The following SPG7 variants were observed in gnomAD, a reference collection of about 807,000 sequenced individuals.
SPG7 encodes the protein mitochondrial inner membrane m-AAA protease component paraplegin.
A neutral mutation model predicts 81.9 loss-of-function variants in SPG7; 103 were observed. The observed-to-expected ratio is 1.26, with a 90% confidence interval of 1.07 to 1.48. The LOEUF is 1.48. Ranked by LOEUF, SPG7 falls within the 40% of genes most tolerant of loss-of-function variation. The probability of loss-of-function intolerance (pLI) is 0.00; values close to 1 mark genes in which losing one functional copy is unlikely to be tolerated. For synonymous variants in SPG7, 534 were observed against 444.2 expected (o/e 1.20, Z -2.54); for missense variants, 1,241 against 1,087.3 (o/e 1.14, Z -1.99).
At chr16:89,513,108 C>G (rs2058044419) in intron 3 of SPG7, 71 bp downstream of exon 3, 1 of 1,539,798 alleles carries the variant, frequency 6.5e-7, no homozygotes, top group Non-Finnish European at 8.8e-7. Context: ...TTCCTTTTAG[C>G]AAGGTGAAAC....
Position 89,526,480 on chromosome 16 carries a change from G to T in SPG7, c.758+12G>T, listed in dbSNP as rs761205265. 6.2e-7 allele frequency: 1 copy of T among 1,614,104 alleles called. No individual in the cohort carries two copies. Among genetic ancestry groups the T allele is most frequent in the Admixed American group, 1.7e-5 (1 of 60,016 alleles). ...GGATTCTTTGGAAAGTATGTTGGATGTATTTGTTGATGCTTGAACTAAACC... is the reference window on the plus strand; with the variant it reads ...GGATTCTTTGGAAAGTATGTTGGATTTATTTGTTGATGCTTGAACTAAACC... On this transcript the variant is annotated intron_variant, in intron 5 of 16. Transcript: ENST00000645818.
intron 9 of SPG7, 128 bp from the exon 10 acceptor site, chr16:89,544,520 G>C: frequency 9.4e-7 from 1 of 1,060,690 alleles, no homozygotes; most frequent in South Asian, 1.3e-5. Context: ...GAAGGACCGG[G>C]CTGTTCCTTT....
intron 2 of SPG7, among the ~76,000 whole-genome samples, chr16:89,512,013 G>A (rs2058030147): frequency 6.6e-6 from 1 of 151,972 alleles, no homozygotes; most frequent in Non-Finnish European, 1.5e-5. Context: ...CAGGATTCCC[G>A]CCATTCTCCT....
Position 89,526,407 on chromosome 16 carries a change from C to T in SPG7, c.697C>T (p.Leu233=), listed in dbSNP as rs751353500. Residue 233 remains leucine (L), a synonymous_variant, in exon 5 of 17, where the codon CTG becomes TTG. Transcript: ENST00000645818. ...EEKLRAAEDE[L]NIEAKDRIPV... ...GAAGCTTCGAGCAGCTGAAGATGAG[C>T]TGAATATCGAGGCCAAGGACAGGAT... The T allele has an allele frequency of 1.2e-6, 2 of 1,614,166 alleles. No homozygotes were observed. Among genetic ancestry groups the T allele is most frequent in the Non-Finnish European group, 1.7e-6 (2 of 1,180,026 alleles).
chr16:89,548,664 C>T (rs190923149), intron 12 of SPG7: 2 of 333,770 alleles, frequency 6.0e-6, no homozygotes, highest in Non-Finnish European at 1.2e-5. Context: ...GTGGGCTGAC[C>T]GCCTCTGACT....
intron 9 of SPG7, chr16:89,532,954 G>A: frequency 2.6e-6 from 1 of 385,900 alleles, no homozygotes; most frequent in Non-Finnish European, 5.0e-6. Flanking sequence ...GTGGTGGCAG[G>A]TGCTTATAAT....
chr16:89,554,737 CTGAACTCGTCAAGTG>C (rs1420713630), intron 16 of SPG7, 174 bp downstream of exon 16: 1 of 622,866 alleles, frequency 1.6e-6, no homozygotes, highest in East Asian at 2.8e-5. Flanking sequence ...ACTTTTTATC[CTGAACTCGTCAAGTG>C]TGTTCCCCCG....
intron 3 of SPG7, chr16:89,521,935 T>G (rs975044148): frequency 1.3e-5 from 2 of 152,054 alleles, no homozygotes; most frequent in Non-Finnish European, 2.9e-5. Context: ...GGGTCGTGAT[T>G]CTGGATTGGC....
chr16:89,546,472 G>A, intron 10 of SPG7, 186 bp from the exon 11 acceptor site: 3 of 600,464 alleles, frequency 5.0e-6, no homozygotes, highest in Non-Finnish European at 6.2e-6. Context: ...GAAGCCAGGA[G>A]TTCGAGACCA....
Position 89,526,725 on chromosome 16 carries a change from T to G in SPG7, c.758+257T>G, listed in dbSNP as rs1453747723. 4.1e-5 allele frequency: 18 copies of G among 438,870 alleles called. No homozygotes were observed. In the East Asian group the frequency reaches 8.5e-4, roughly 21 times the overall value. The allele number at this position is 438,870 out of a possible 1,614,324, so 27.2% of individuals were successfully genotyped here. ...CACCTGAGGATGCCTAAGCCCCTGG[T>G]GTAGGATGCTGAAGTCTAAGCCCCT... On this transcript the variant is annotated intron_variant, in intron 5 of 16. Coordinates refer to ENST00000645818, the MANE Select transcript of SPG7 (RefSeq NM_003119.4).
At chr16:89,555,629 C>T (rs2058679792) in intron 16 of SPG7, 1 of 368,032 alleles carries the variant, frequency 2.7e-6, no homozygotes, top group Non-Finnish European at 4.8e-6. Flanking sequence ...GTTCCTCAGA[C>T]CTCCCTTGTT....
At chr16:89,542,818 C>G (rs1428372201) in intron 9 of SPG7, among the ~76,000 whole-genome samples, 3 of 151,964 alleles carry the variant, frequency 2.0e-5, no homozygotes, top group Admixed American at 6.5e-5. Flanking sequence ...CTCACTGCAG[C>G]CTTCACCTCC....
intron 1 of SPG7, chr16:89,508,866 G>A (rs896122251): frequency 2.1e-5 from 14 of 656,066 alleles, no homozygotes; most frequent in Admixed American, 1.4e-4. Context: ...GTGTGTGGAT[G>A]TTCTCCGCCC....
chr16:89,544,884 C>T, intron 10 of SPG7, 112 bp downstream of exon 10: 1 of 1,362,622 alleles, frequency 7.3e-7, no homozygotes, highest in East Asian at 2.3e-5. Context: ...GTCACAGCCC[C>T]ACAGGTGCTG....
intron 4 of SPG7, 93 bp downstream of exon 4, chr16:89,524,340 G>A (rs1356780001): frequency 2.1e-6 from 3 of 1,433,494 alleles, no homozygotes; most frequent in East Asian, 2.3e-5. Flanking sequence ...GAATGAGGGT[G>A]TGGGCGCTGG....
At chr16:89,544,318 TG>T in intron 9 of SPG7, 2 of 211,952 alleles carry the variant, frequency 9.4e-6, no homozygotes, top group Non-Finnish European at 1.7e-5. Context: ...GACAGGGCGG[TG>T]GGGGGTGGGG....
In SPG7 at chr16:89,532,514, C is replaced by T. The variant is rs761861319; in HGVS notation, c.1202C>T (p.Ala401Val). The T allele has an allele frequency of 3.7e-6, 6 of 1,613,572 alleles. No individual in the cohort carries two copies. The highest frequency in any genetic ancestry group is 3.4e-6 in the Non-Finnish European group (4 of 1,180,026). The change falls in exon 9 of 17, where the codon GCC (alanine) becomes GTC (valine). Residue 401 changes from alanine (A) to valine (V), a missense_variant. By Grantham distance (64) the Ala-to-Val change is moderately conservative (BLOSUM62 0). Coordinates refer to ENST00000645818, the MANE Select transcript of SPG7 (RefSeq NM_003119.4). ...CTCTTTAAGGAAGCCCGAGCCCGGGCCCCCTGCATCGTCTACATCGATGAG... is the reference window on the plus strand; with the variant it reads ...CTCTTTAAGGAAGCCCGAGCCCGGGTCCCCTGCATCGTCTACATCGATGAG... ...RSLFKEARARAPCIVYIDEID... is the reference protein window; with the variant it reads ...RSLFKEARARVPCIVYIDEID...
chr16:89,508,959 C>T (rs1390674949), intron 1 of SPG7: 3 of 498,606 alleles, frequency 6.0e-6, no homozygotes, highest in Non-Finnish European at 1.2e-5. Flanking sequence ...GGATCGATTC[C>T]GTCACCAGGA....
chr16:89,510,702 C>T (rs763779579), intron 2 of SPG7, 110 bp downstream of exon 2: 9 of 733,628 alleles, frequency 1.2e-5, no homozygotes, highest in Admixed American at 8.0e-5. Context: ...CCCTGTTGCA[C>T]GGGCTGGAGT....
Sources: allele counts gnomAD v4.1 joint callset (sites outside exome capture counted in the v4.1 genomes callset), GRCh38; gene constraint gnomAD v4.1.1; transcripts MANE v1.5; gene names NCBI Gene and HGNC (gene_info 2026-07-23, HGNC 2026-07-21).